PIKFYVE: variants seen among roughly 807,000 people sequenced by gnomAD.
The protein encoded by PIKFYVE is 1-phosphatidylinositol 3-phosphate 5-kinase.
A neutral mutation model predicts 257.9 loss-of-function variants in PIKFYVE; 122 were observed. That is an observed-to-expected ratio of 0.47 (90% CI 0.41 to 0.55). The LOEUF (loss-of-function observed/expected upper bound fraction) is 0.55. PIKFYVE is among the 20% of genes least tolerant of loss of function. PIKFYVE has a pLI of 0.00. For missense variants in PIKFYVE, 2,160 were observed against 2,536.6 expected (o/e 0.85, Z 3.19); for synonymous variants, 892 against 868.9 (o/e 1.03, Z -0.47).
chr2:208,273,534 A>G (rs1689701695), intron 2 of PIKFYVE, 50 bp from the exon 3 acceptor site: 3 of 1,611,174 alleles, frequency 1.9e-6, no homozygotes, highest in Non-Finnish European at 1.7e-6. Flanking sequence ...CTTCCTTCTC[A>G]TTGCTGAACT....
chr2:208,304,992 C>T lies in PIKFYVE; in HGVS notation c.1615C>T (p.Pro539Ser). ...KKPSKYPHVP[P>S]HPADQKEYLI... ...GCCCTCCAAGTACCCACATGTGCCC[C>T]CTCACCCTGCTGACCAAAAAGGTAG... Residue 539 changes from proline (P) to serine (S), a missense_variant, in exon 12 of 42, where the codon CCT (proline) becomes TCT (serine). By Grantham distance (74) the Pro-to-Ser change is moderately conservative (BLOSUM62 -1). Coordinates refer to ENST00000264380, the MANE Select transcript of PIKFYVE (RefSeq NM_015040.4). 1 of 1,614,126 alleles carries T rather than the reference C, an allele frequency of 6.2e-7. No homozygotes were observed. Among genetic ancestry groups the T allele is most frequent in the Non-Finnish European group, 8.5e-7 (1 of 1,180,018 alleles).
At position 208,345,103 on chromosome 2, in the gene PIKFYVE, G is replaced by A. The variant is rs2304544; in HGVS notation, c.5028-8G>A. The A allele has an allele frequency of 0.97, 1,540,867 of 1,585,812 alleles. 750,095 individuals carry two copies. The highest frequency in any genetic ancestry group is 0.98 in the Non-Finnish European group (1,135,781 of 1,154,420). The stretch of plus-strand genomic sequence containing the variant: ...GTTTAACGTTTTTCAACCTATTTCT[G>A]CCCTAAGTTGTAAAGAATACCGAAA... On this transcript the variant is annotated splice_polypyrimidine_tract_variant and splice_region_variant and intron_variant, in intron 32 of 41. Transcript: ENST00000264380.
At chr2:208,285,437 T>C (rs1201861447) in intron 5 of PIKFYVE, among the ~76,000 whole-genome samples, 1 of 152,162 alleles carries the variant, frequency 6.6e-6, no homozygotes, top group Non-Finnish European at 1.5e-5. Context: ...TTTATGGTAG[T>C]TTGGACACCT....
intron 37 of PIKFYVE, 91 bp from the exon 38 acceptor site, chr2:208,351,258 AAAC>A: frequency 2.7e-6 from 3 of 1,112,674 alleles, no homozygotes; most frequent in Non-Finnish European, 4.0e-6. Flanking sequence ...TAAAATCATA[AAAC>A]AACCTAATCA....
Position 208,325,593 on chromosome 2 carries a change from A to C in PIKFYVE, c.2782A>C (p.Ser928Arg). Residue 928 changes from serine (S) to arginine (R), a missense_variant, in exon 20 of 42, where the codon AGT becomes CGT. By Grantham distance (110) the Ser-to-Arg change is moderately radical. Around this residue, in one of 12 missense-constraint regions of PIKFYVE, gnomAD observed 522 missense variants for 514.6 expected, o/e 1.01. Transcript: ENST00000264380. ...TGAGTCTCTGCCCTGTGATGATAGC[A>C]GTTTGCTGGAATTGAGGATTGTGTT... ...PPESLPCDDS[S>R]LLELRIVFEK... The C allele has an allele frequency of 6.2e-7, 1 of 1,614,058 alleles. No individual in the cohort carries two copies.
chr2:208,334,917 C>T (rs1230889434), intron 24 of PIKFYVE, among the ~76,000 whole-genome samples: 3 of 151,996 alleles, frequency 2.0e-5, no homozygotes, highest in Admixed American at 6.6e-5. Context: ...GATATAAACC[C>T]TCAGGTGGAA....
chr2:208,313,186 CTTCTT>C (rs555420606), intron 13 of PIKFYVE, among the ~76,000 whole-genome samples: 104 of 152,264 alleles, frequency 6.8e-4, no homozygotes, highest in Middle Eastern at 3.4e-3. Context: ...GCATTTCCCA[CTTCTT>C]TTCTTTCCAC....
In PIKFYVE at chr2:208,351,438, A is replaced by G; in HGVS notation, c.5698A>G (p.Asn1900Asp). 1 of 1,610,084 alleles carries G rather than the reference A, an allele frequency of 6.2e-7. No individual in the cohort carries two copies. The change falls in exon 38 of 42, where the codon AAT becomes GAT. Residue 1900 changes from asparagine (N) to aspartate (D), a missense_variant. Asn to Asp is a conservative substitution (Grantham distance 23). Coordinates refer to ENST00000264380, the MANE Select transcript of PIKFYVE (RefSeq NM_015040.4). ...FAPHYFNYIT[N>D]AVQQKRPTAL... ...ACCACATTACTTCAATTATATTACA[A>G]ATGCTGTTCAACAAAAGGTAGAAAT...
chr2:208,341,396 G>A (rs540467423), intron 31 of PIKFYVE, among the ~76,000 whole-genome samples: 1 of 151,798 alleles, frequency 6.6e-6, no homozygotes, highest in African/African-American at 2.4e-5. Context: ...ATTCAGTCCT[G>A]TTCTTTCTAA....
In PIKFYVE at chr2:208,326,316, C is replaced by G. The variant is rs769316348; in HGVS notation, c.3505C>G (p.Pro1169Ala). 3 of 1,609,486 alleles carry G rather than the reference C, an allele frequency of 1.9e-6. No individual in the cohort carries two copies. Among genetic ancestry groups the G allele is most frequent in the Non-Finnish European group, 8.5e-7 (1 of 1,177,882 alleles). The change falls in exon 20 of 42, where the codon CCT becomes GCT. Residue 1169 changes from proline (P) to alanine (A), a missense_variant. Around this residue, in one of 12 missense-constraint regions of PIKFYVE, gnomAD observed 522 missense variants for 514.6 expected, o/e 1.01. Coordinates refer to ENST00000264380, the MANE Select transcript of PIKFYVE (RefSeq NM_015040.4). ...GGRIQPKNSD[P>A]FAHSKDASST... ...AAGAATTCAGCCCAAAAATTCAGACCCTTTTGCTCATTCAAAGGATGCATC... is the reference window on the plus strand; with the variant it reads ...AAGAATTCAGCCCAAAAATTCAGACGCTTTTGCTCATTCAAAGGATGCATC...
intron 17 of PIKFYVE, among the ~76,000 whole-genome samples, chr2:208,323,714 ACAGTCC>A (rs1696582235): frequency 1.3e-5 from 2 of 152,240 alleles, no homozygotes; most frequent in South Asian, 4.1e-4. Context: ...GAACTAGTTT[ACAGTCC>A]CACCAACAGT....
intron 7 of PIKFYVE, among the ~76,000 whole-genome samples, chr2:208,296,777 A>G (rs1395350829): frequency 6.6e-6 from 1 of 152,128 alleles, no homozygotes; most frequent in Admixed American, 6.6e-5. Flanking sequence ...AAGTTTTTCA[A>G]GGAAAGGGAG....
chr2:208,351,270 C>A, intron 37 of PIKFYVE, 82 bp from the exon 38 acceptor site: 1 of 1,149,914 alleles, frequency 8.7e-7, no homozygotes, highest in South Asian at 1.2e-5. Flanking sequence ...ACAACCTAAT[C>A]ATTTAGGATC....
chr2:208,270,658 A>C (rs1278562371), intron 1 of PIKFYVE, among the ~76,000 whole-genome samples: 1 of 152,074 alleles, frequency 6.6e-6, no homozygotes, highest in Non-Finnish European at 1.5e-5. Flanking sequence ...GTAATTGTTA[A>C]AGTTTTGTAG....
chr2:208,302,110 T>TTA, intron 9 of PIKFYVE, 132 bp from the exon 10 acceptor site: 1 of 758,198 alleles, frequency 1.3e-6, no homozygotes, highest in Non-Finnish European at 2.3e-6. Context: ...CGTCCTTTAC[T>TTA]TATCCAAGGG....
intron 21 of PIKFYVE, 81 bp from the exon 22 acceptor site, chr2:208,329,761 G>A (rs1381337138): frequency 8.3e-6 from 13 of 1,568,462 alleles, no homozygotes; most frequent in Non-Finnish European, 1.0e-5. Flanking sequence ...ACATTTAATA[G>A]GTAATCATAA....
intron 5 of PIKFYVE, among the ~76,000 whole-genome samples, chr2:208,284,822 A>C (rs1186265437): frequency 6.6e-6 from 1 of 151,650 alleles, no homozygotes; most frequent in Non-Finnish European, 1.5e-5. Context: ...CTTTTTTAAG[A>C]TTTTATTTTA....
intron 5 of PIKFYVE, 47 bp downstream of exon 5, chr2:208,277,755 A>C (rs200392619): frequency 6.3e-7 from 1 of 1,588,364 alleles, no homozygotes; most frequent in East Asian, 2.2e-5. Context: ...GGTCATAACT[A>C]TAAGACACTT....
chr2:208,346,027 C>T (rs1699195915), intron 33 of PIKFYVE, 23 bp from the exon 34 acceptor site: 3 of 1,551,768 alleles, frequency 1.9e-6, no homozygotes, highest in Non-Finnish European at 1.8e-6. Flanking sequence ...CTAAATTTTT[C>T]TTTTTTTTTC....
Sources: gnomAD v4.1 joint callset for allele counts (sites outside exome capture counted in the v4.1 genomes callset) on GRCh38, gnomAD v4.1.1 for gene constraint, gnomAD v4.1.1 regional missense constraint, MANE v1.5 for transcripts, NCBI Gene and HGNC (gene_info 2026-07-23, HGNC 2026-07-21) for gene names.